The following U2SURP variants were observed in gnomAD, a reference collection of about 807,000 sequenced individuals.
The protein encoded by U2SURP is U2 snRNP-associated SURP motif-containing protein.
Under a neutral mutation model 144.9 loss-of-function variants are expected in U2SURP, and 9 were observed. The ratio of observed to expected loss-of-function variants is 0.06; its 90% CI spans 0.04 to 0.11. The LOEUF is 0.11. U2SURP is among the 10% of genes least tolerant of loss of function. The pLI, the probability that U2SURP is intolerant of heterozygous loss-of-function variation, is 1.00. For missense variants in U2SURP, 724 were observed against 1,226.7 expected, an observed-to-expected ratio of 0.59 and a Z score of 6.12; for synonymous variants, 408 against 396.8, an observed-to-expected ratio of 1.03 and a Z score of -0.33.
At chr3:143,002,105 C>A in intron 1 of U2SURP, 1 of 226,962 alleles carries the variant, frequency 4.4e-6, no homozygotes, top group South Asian at 4.7e-5. Flanking sequence ...TTCCGGCCTC[C>A]CTCAGTTTCC....
intron 1 of U2SURP, among the ~76,000 whole-genome samples, chr3:143,007,896 G>C (rs911568279): frequency 6.6e-6 from 1 of 152,186 alleles, no homozygotes; most frequent in African/African-American, 2.4e-5. Context: ...TACCTTGACT[G>C]TTATCTTTAG....
At chr3:143,007,815 A>G (rs1415462492) in intron 1 of U2SURP, among the ~76,000 whole-genome samples, 1 of 152,250 alleles carries the variant, frequency 6.6e-6, no homozygotes, top group Non-Finnish European at 1.5e-5. Flanking sequence ...CTCAAGACAA[A>G]GAATACAGTT....
intron 4 of U2SURP, among the ~76,000 whole-genome samples, chr3:143,015,385 T>G (rs1267600852): frequency 1.3e-5 from 2 of 152,108 alleles, no homozygotes; most frequent in African/African-American, 4.8e-5. Flanking sequence ...ATGCAGAAAC[T>G]ATTGTACAAT....
intron 23 of U2SURP, among the ~76,000 whole-genome samples, chr3:143,039,684 C>T (rs898428404): frequency 5.4e-5 from 8 of 149,056 alleles, no homozygotes; most frequent in Non-Finnish European, 1.0e-4. Context: ...AAAAATTTTG[C>T]GTTCTTCTAT....
chr3:143,016,548 G>A (rs1011714700), intron 5 of U2SURP, among the ~76,000 whole-genome samples, 177 bp downstream of exon 5: 2 of 152,000 alleles, frequency 1.3e-5, no homozygotes, highest in Non-Finnish European at 2.9e-5. Flanking sequence ...CAAGATAAAT[G>A]GCCAAGTGTC....
In U2SURP at chr3:143,038,105, T is replaced by C; in HGVS notation, c.2222-3T>C. On this transcript the variant is annotated splice_region_variant and splice_polypyrimidine_tract_variant and intron_variant, in intron 21 of 27. Coordinates refer to ENST00000473835, the MANE Select transcript of U2SURP (RefSeq NM_001080415.2). The stretch of plus-strand genomic sequence containing the variant: ...GGGTTAATGGCTTATCTTTCCCTAA[T>C]AGTGGATGCAACTGAAGACTCAAAA... The C allele has an allele frequency of 1.3e-6, 2 of 1,596,950 alleles. No individual in the cohort carries two copies. Among genetic ancestry groups the C allele is most frequent in the South Asian group, 2.3e-5 (2 of 87,264 alleles).
intron 8 of U2SURP, 45 bp downstream of exon 8, chr3:143,020,738 G>A: frequency 1.4e-6 from 2 of 1,443,754 alleles, no homozygotes; most frequent in Non-Finnish European, 1.9e-6. Context: ...ATTAATTACA[G>A]TAGTTCCCAC....
At chr3:143,043,095 T>C in intron 23 of U2SURP, 22 bp from the exon 24 acceptor site, 2 of 1,587,276 alleles carry the variant, frequency 1.3e-6, no homozygotes, top group Non-Finnish European at 1.7e-6. Context: ...TGACATACAA[T>C]GTATTCTGCT....
intron 1 of U2SURP, among the ~76,000 whole-genome samples, chr3:143,005,866 T>C (rs1935803692): frequency 6.6e-6 from 1 of 152,156 alleles, no homozygotes; most frequent in Non-Finnish European, 1.5e-5. Flanking sequence ...GCCATCATTT[T>C]TGGAATAAAA....
intron 6 of U2SURP, among the ~76,000 whole-genome samples, chr3:143,018,026 A>G (rs1936456983): frequency 6.6e-6 from 1 of 152,164 alleles, no homozygotes; most frequent in Admixed American, 6.5e-5. Context: ...GTTTGAGACC[A>G]GCCTGGGCAA....
At chr3:143,013,256 C>T (rs1936202949) in intron 3 of U2SURP, among the ~76,000 whole-genome samples, 1 of 151,996 alleles carries the variant, frequency 6.6e-6, no homozygotes. Context: ...CTTGTTTAAA[C>T]TTTTGAAGTT....
intron 25 of U2SURP, among the ~76,000 whole-genome samples, chr3:143,052,490 T>G (rs1278214901): frequency 1.3e-5 from 2 of 152,220 alleles, no homozygotes; most frequent in Non-Finnish European, 2.9e-5. Context: ...ACAAAATACA[T>G]AATATTTGTG....
chr3:143,024,350 C>T (rs151283265), intron 13 of U2SURP: 17 of 369,356 alleles, frequency 4.6e-5, no homozygotes, highest in African/African-American at 8.4e-5. Context: ...TTTCAGATAA[C>T]GTTACAGTTT....
At position 143,056,507 on chromosome 3, in the gene U2SURP, C is replaced by CG; in HGVS notation, c.*59dup. 1 of 1,573,500 alleles carries CG rather than the reference C, an allele frequency of 6.4e-7. No homozygotes were observed. Among genetic ancestry groups the CG allele is most frequent in the Non-Finnish European group, 8.6e-7 (1 of 1,162,726 alleles). The stretch of plus-strand genomic sequence containing the variant: ...AAATGCGATTTGTTTTGTGCCTGAA[C>CG]GGTCTGTTTTTTAAAAAAACAAAAA... On this transcript the variant is annotated 3_prime_UTR_variant, in exon 28 of 28. Transcript: ENST00000473835.
chr3:143,027,037 TGTTA>T, intron 13 of U2SURP, 108 bp from the exon 14 acceptor site: 1 of 801,794 alleles, frequency 1.2e-6, no homozygotes, highest in Non-Finnish European at 2.0e-6. Flanking sequence ...TTAAATTCGG[TGTTA>T]GTCAGCAGAA....
chr3:143,022,233 T>G (rs879932645), intron 10 of U2SURP, among the ~76,000 whole-genome samples: 2 of 152,112 alleles, frequency 1.3e-5, no homozygotes, highest in African/African-American at 2.4e-5. Context: ...CAAAGGAAGA[T>G]AGAGAGTAAA....
In U2SURP at chr3:143,059,575, A is replaced by G. The variant is rs374011529; in HGVS notation, c.*3125A>G. 2 of 152,062 alleles carry G rather than the reference A, an allele frequency of 1.3e-5. No homozygotes were observed. The highest frequency in any genetic ancestry group is 3.9e-4 in the East Asian group (2 of 5,194). 9.4% of individuals were successfully genotyped at this position (152,062 alleles called of 1,614,324 possible). On this transcript the variant is annotated 3_prime_UTR_variant, in exon 28 of 28. Coordinates refer to ENST00000473835, the MANE Select transcript of U2SURP (RefSeq NM_001080415.2). ...TTATCATCATCATTATTGTTATTCA[A>G]AATAAGGGTAAATAAATCTCTGTAT...
chr3:143,052,225 T>A (rs1934911875), intron 25 of U2SURP, among the ~76,000 whole-genome samples: 1 of 152,054 alleles, frequency 6.6e-6, no homozygotes, highest in Admixed American at 6.6e-5. Context: ...ATAAACCCCG[T>A]CTCTACTAAA....
At chr3:143,009,847 A>G (rs1490852043) in intron 1 of U2SURP, among the ~76,000 whole-genome samples, 1 of 152,214 alleles carries the variant, frequency 6.6e-6, no homozygotes, top group African/African-American at 2.4e-5. Context: ...CTCTTAAACT[A>G]ATATTTTATC....
Sources: gnomAD v4.1 joint callset for allele counts (sites outside exome capture counted in the v4.1 genomes callset) on GRCh38, gnomAD v4.1.1 for gene constraint, MANE v1.5 for transcripts, NCBI Gene and HGNC (gene_info 2026-07-23, HGNC 2026-07-21) for gene names.